The following DCC variants were observed in gnomAD, a reference collection of about 807,000 sequenced individuals.
DCC encodes netrin receptor DCC.
In DCC, 58 loss-of-function variants were observed where a neutral mutation model predicts 172.5. That is an observed-to-expected ratio of 0.34 (90% CI 0.27 to 0.42). The LOEUF (loss-of-function observed/expected upper bound fraction) is 0.42, where lower values mean the gene tolerates loss of function less well. Among genes scored for constraint, DCC ranks in the 10% least tolerant of loss-of-function variants. DCC has a pLI of 1.00. For missense variants in DCC, 1,740 were observed against 1,791.0 expected (o/e 0.97, Z 0.51); for synonymous variants, 709 against 644.5 (o/e 1.10, Z -1.52).
intron 1 of DCC, among the ~76,000 whole-genome samples, chr18:52,743,007 AATT>A (rs773138353): frequency 2.0e-5 from 3 of 152,344 alleles, no homozygotes; most frequent in Non-Finnish European, 4.4e-5. Context: ...GGTTATGGAC[AATT>A]ATTATGATAT....
At chr18:53,426,300 T>G (rs1910938352) in intron 21 of DCC, among the ~76,000 whole-genome samples, 1 of 104,742 alleles carries the variant, frequency 9.5e-6, no homozygotes, top group Non-Finnish European at 2.3e-5. Flanking sequence ...ATAATATATA[T>G]TTATAATATA....
At chr18:52,472,635 G>T (rs1048084615) in intron 1 of DCC, among the ~76,000 whole-genome samples, 1 of 152,182 alleles carries the variant, frequency 6.6e-6, no homozygotes, top group Admixed American at 6.6e-5. Flanking sequence ...AGCAGCAGTG[G>T]CTCACGCCTG....
At chr18:52,401,557 A>C (rs1986442191) in intron 1 of DCC, among the ~76,000 whole-genome samples, 1 of 152,152 alleles carries the variant, frequency 6.6e-6, no homozygotes, top group Admixed American at 6.5e-5. Context: ...CTACAGCTAC[A>C]TGTAGAGCAA....
intron 12 of DCC, among the ~76,000 whole-genome samples, chr18:53,263,838 A>C (rs2056634940): frequency 6.6e-6 from 1 of 151,938 alleles, no homozygotes; most frequent in Non-Finnish European, 1.5e-5. Context: ...TAATTTTGTA[A>C]CAAACTCTGA....
intron 1 of DCC, among the ~76,000 whole-genome samples, chr18:52,593,771 C>T (rs1010651844): frequency 6.6e-6 from 1 of 152,202 alleles, no homozygotes; most frequent in African/African-American, 2.4e-5. Flanking sequence ...AGCAACAGCG[C>T]TCCTTTCCCA....
chr18:52,783,537 C>T (rs932233225), intron 2 of DCC, among the ~76,000 whole-genome samples: 30 of 151,344 alleles, frequency 2.0e-4, no homozygotes, highest in Admixed American at 1.7e-3. Context: ...ATTATTTTTT[C>T]TGTAAAAGAC....
intron 2 of DCC, among the ~76,000 whole-genome samples, chr18:52,878,988 G>C (rs979426334): frequency 2.6e-5 from 4 of 152,184 alleles, no homozygotes; most frequent in African/African-American, 7.2e-5. Flanking sequence ...AGAAGGCTTA[G>C]AGAGAAAAAG....
At chr18:52,369,289 C>A (rs1375628887) in intron 1 of DCC, among the ~76,000 whole-genome samples, 1 of 151,764 alleles carries the variant, frequency 6.6e-6, no homozygotes, top group Non-Finnish European at 1.5e-5. Flanking sequence ...GCTATTCCTC[C>A]CCACTTTAGA....
At chr18:53,214,484 G>A (rs2055814256) in intron 11 of DCC, among the ~76,000 whole-genome samples, 1 of 152,068 alleles carries the variant, frequency 6.6e-6, no homozygotes, top group Non-Finnish European at 1.5e-5. Flanking sequence ...TAAATTCATG[G>A]TCAGATGTAA....
At chr18:53,509,407 T>C (rs1394674102) in intron 27 of DCC, among the ~76,000 whole-genome samples, 13 of 152,238 alleles carry the variant, frequency 8.5e-5, no homozygotes, top group Admixed American at 7.2e-4. Flanking sequence ...TTCTCAAGTT[T>C]TGTGTGCCTG....
At chr18:52,717,033 C>G (rs2036394917) in intron 1 of DCC, among the ~76,000 whole-genome samples, 1 of 152,154 alleles carries the variant, frequency 6.6e-6, no homozygotes, top group Admixed American at 6.5e-5. Flanking sequence ...TCATCTGTGT[C>G]CAGTAAAGTG....
intron 12 of DCC, among the ~76,000 whole-genome samples, chr18:53,225,326 T>C (rs1366538494): frequency 6.6e-6 from 1 of 152,196 alleles, no homozygotes; most frequent in African/African-American, 2.4e-5. Context: ...GTTTGTTTCA[T>C]TTATTTTTGT....
At chr18:52,591,564 C>G (rs1212082268) in intron 1 of DCC, among the ~76,000 whole-genome samples, 1 of 151,810 alleles carries the variant, frequency 6.6e-6, no homozygotes, top group East Asian at 1.9e-4. Context: ...ATGGCTTGGT[C>G]AAAATTATAT....
intron 7 of DCC, among the ~76,000 whole-genome samples, chr18:53,127,231 T>A (rs1175667126): frequency 1.3e-5 from 2 of 151,236 alleles, no homozygotes; most frequent in South Asian, 2.1e-4. Context: ...GGTCTTGAAC[T>A]CTTGGCCTCA....
intron 2 of DCC, among the ~76,000 whole-genome samples, chr18:52,772,595 A>G (rs2145168572): frequency 6.6e-6 from 1 of 152,354 alleles, no homozygotes; most frequent in South Asian, 2.1e-4. Flanking sequence ...TCAATTTCAG[A>G]GCCAGCTGTA....
intron 1 of DCC, among the ~76,000 whole-genome samples, chr18:52,435,638 C>T (rs1225944393): frequency 2.0e-5 from 3 of 152,182 alleles, no homozygotes; most frequent in African/African-American, 4.8e-5. Flanking sequence ...ACCTTCCTGG[C>T]CTTTCCTCCT....
chr18:53,366,397 A>G (rs2058005469), intron 15 of DCC, among the ~76,000 whole-genome samples: 1 of 152,102 alleles, frequency 6.6e-6, no homozygotes, highest in African/African-American at 2.4e-5. Flanking sequence ...TCGTTTAGCT[A>G]GTCATTTTTT....
chr18:53,120,404 C>A (rs1379600246), intron 7 of DCC, among the ~76,000 whole-genome samples: 1 of 151,560 alleles, frequency 6.6e-6, no homozygotes, highest in Non-Finnish European at 1.5e-5. Context: ...ATAAGACAAT[C>A]TTCAGTTGAA....
chr18:52,654,220 T>C (rs1227324808), intron 1 of DCC, among the ~76,000 whole-genome samples: 1 of 152,190 alleles, frequency 6.6e-6, no homozygotes, highest in Admixed American at 6.5e-5. Context: ...AGTTTGGTTA[T>C]GGAGAAAATA....
Sources: allele counts gnomAD v4.1 joint callset (sites outside exome capture counted in the v4.1 genomes callset), GRCh38; gene constraint gnomAD v4.1.1; transcripts MANE v1.5; gene names NCBI Gene and HGNC (gene_info 2026-07-23, HGNC 2026-07-21).